POLD1: variants seen among roughly 807,000 people sequenced by gnomAD.
POLD1 encodes the protein DNA polymerase delta 1, catalytic subunit, also known as DNA polymerase delta catalytic subunit.
POLD1 carries 79 observed loss-of-function variants against 129.7 expected under a neutral mutation model. That is an observed-to-expected ratio of 0.61 (90% CI 0.51 to 0.73). The LOEUF is 0.73. Ranked by LOEUF, POLD1 falls within the 30% of genes least tolerant of loss-of-function variation. The pLI is 0.00. For synonymous variants in POLD1, 714 were observed against 683.3 expected (o/e 1.04, Z -0.70); for missense variants, 1,338 against 1,595.8 (o/e 0.84, Z 2.75).
chr19:50,417,243 C>T lies in POLD1; in HGVS notation c.3192C>T (p.Ser1064=), dbSNP rs773088677. Residue 1064 remains serine, a synonymous_variant, in exon 26 of 27, where the codon AGC becomes AGT. Coordinates refer to ENST00000440232, the MANE Select transcript of POLD1 (RefSeq NM_002691.4). ...CGCAGTGCCAGCGCTGCCAGGGCAG[C>T]CTGCACGAGGACGTCATCTGCACCA... ...LWTQCQRCQG[S]LHEDVICTSR... The T allele has an allele frequency of 6.9e-6, 11 of 1,601,258 alleles. No homozygotes were observed. The highest frequency in any genetic ancestry group is 8.5e-6 in the Non-Finnish European group (10 of 1,176,670).
At chr19:50,387,131 A>C (rs1178237320) in intron 1 of POLD1, among the ~76,000 whole-genome samples, 3 of 152,144 alleles carry the variant, frequency 2.0e-5, no homozygotes, top group Non-Finnish European at 4.4e-5. Context: ...GTTTGAGACC[A>C]GTCTGGCAGA....
intron 18 of POLD1, 94 bp downstream of exon 18, chr19:50,413,615 C>A: frequency 2.0e-6 from 3 of 1,526,744 alleles, no homozygotes; most frequent in South Asian, 2.3e-5. Flanking sequence ...GCCTCCTGGT[C>A]ACACCCTGCC....
chr19:50,415,087 AC>A, intron 20 of POLD1, 97 bp downstream of exon 20: 1 of 1,182,412 alleles, frequency 8.5e-7, no homozygotes, highest in Non-Finnish European at 1.1e-6. Flanking sequence ...CCTCCCTCAG[AC>A]CCACGGGTCC....
Position 50,413,814 on chromosome 19 carries a change from GGGCGGGA to G in POLD1, c.2327_2333del (p.Arg776ProfsTer110). ...CTCGGTGGCTGAGGCGATGGCCCTG[GGGCGGGA>G]GGCCGCGGACTGGGTGTCAGGTCAC... On this transcript the variant is annotated frameshift_variant, in exon 19 of 27. Coordinates refer to ENST00000440232, the MANE Select transcript of POLD1 (RefSeq NM_002691.4). LOFTEE classifies it high-confidence loss of function. 1 of 1,612,620 alleles carries G rather than the reference GGGCGGGA, an allele frequency of 6.2e-7. No homozygotes were observed. The highest frequency in any genetic ancestry group is 8.5e-7 in the Non-Finnish European group (1 of 1,179,628).
chr19:50,403,736 G>A, intron 10 of POLD1, 139 bp downstream of exon 10: 1 of 671,106 alleles, frequency 1.5e-6, no homozygotes, highest in East Asian at 2.6e-5. Context: ...TGCAGGGGCA[G>A]CCTAGGCCTG....
chr19:50,407,409 T>A lies in POLD1; in HGVS notation c.1769T>A (p.Leu590His). 1 of 1,602,096 alleles carries A rather than the reference T, an allele frequency of 6.2e-7. No individual in the cohort carries two copies. The highest frequency in any genetic ancestry group is 8.5e-7 in the Non-Finnish European group (1 of 1,172,666). The part of the protein sequence containing the change: ...DYTGATVIEP[L>H]KGYYDVPIAT... Reference sequence around the variant, plus strand: ...ACGGGAGCCACTGTCATCGAGCCCCTCAAAGGGTGAGGCCCCAGGCTGGGT... The same window carrying A: ...ACGGGAGCCACTGTCATCGAGCCCCACAAAGGGTGAGGCCCCAGGCTGGGT... Residue 590 changes from leucine (L) to histidine (H), a missense_variant, in exon 14 of 27, where the codon CTC becomes CAC. Transcript: ENST00000440232.
chr19:50,412,647 C>T (rs1026609005), intron 17 of POLD1, among the ~76,000 whole-genome samples: 1 of 152,134 alleles, frequency 6.6e-6, no homozygotes, highest in Non-Finnish European at 1.5e-5. Flanking sequence ...CTGACTGGAT[C>T]CACACAAACA....
chr19:50,397,090 CAAAAAAAAA>C (rs781378096), intron 1 of POLD1, among the ~76,000 whole-genome samples: 1 of 77,616 alleles, frequency 1.3e-5, no homozygotes, highest in Non-Finnish European at 2.8e-5. Context: ...GACTCCATCT[CAAAAAAAAA>C]AAAAAAAAGA....
intron 17 of POLD1, among the ~76,000 whole-genome samples, chr19:50,412,892 A>C (rs1366748978): frequency 6.6e-6 from 1 of 152,042 alleles, no homozygotes; most frequent in Non-Finnish European, 1.5e-5. Context: ...GTACAGGCAT[A>C]AGCCACCACG....
rs1203736050 is a variant in POLD1 at position 50,416,399 on chromosome 19, C to G, written c.2824C>G (p.Pro942Ala). 1 of 1,549,048 alleles carries G rather than the reference C, an allele frequency of 6.5e-7. No individual in the cohort carries two copies. The highest frequency in any genetic ancestry group is 8.7e-7 in the Non-Finnish European group (1 of 1,147,084). Residue 942 changes from proline (P) to alanine (A), a missense_variant, in exon 23 of 27, where the codon CCG (proline) becomes GCG (alanine). This residue lies in a region of POLD1 where 286 missense variants were observed against 277.5 expected (regional missense o/e 1.03). Coordinates refer to ENST00000440232, the MANE Select transcript of POLD1 (RefSeq NM_002691.4). ...TGTGACTGCCATGTGGCCGCAGGAC[C>G]CGCTGTTCGTGCTGGAGCACAGCCT... ...GVAAYMKSED[P>A]LFVLEHSLPI...
chr19:50,389,866 G>A (rs994518173), intron 1 of POLD1, among the ~76,000 whole-genome samples: 10 of 151,130 alleles, frequency 6.6e-5, no homozygotes, highest in South Asian at 4.2e-4. Flanking sequence ...GATTACAGGC[G>A]TGAGCCACCA....
chr19:50,388,134 CAG>C (rs1370696627), intron 1 of POLD1, among the ~76,000 whole-genome samples: 1 of 152,154 alleles, frequency 6.6e-6, no homozygotes. Flanking sequence ...TCCATGGAGA[CAG>C]AAAGTTAGAT....
chr19:50,402,033 G>GGAGCTGAACTTGGCT lies in POLD1; in HGVS notation c.512_513insTGAGCTGAACTTGGC (p.Glu167_Ala171dup), dbSNP rs2038659815. 2.5e-6 allele frequency: 4 copies of GGAGCTGAACTTGGCT among 1,614,150 alleles called. No individual in the cohort carries two copies. The highest frequency in any genetic ancestry group is 3.4e-6 in the Non-Finnish European group (4 of 1,179,984). Reference sequence around the variant, plus strand: ...CCGAGCACATGGGTGACCTGCAACGGGAGCTGAACTTGGCCATCAGCCGGG... The same window carrying GGAGCTGAACTTGGCT: ...CCGAGCACATGGGTGACCTGCAACGGGAGCTGAACTTGGCTGAGCTGAACTTGGCCATCAGCCGGG... On this transcript the variant is annotated inframe_insertion, in exon 5 of 27. Coordinates refer to ENST00000440232, the MANE Select transcript of POLD1 (RefSeq NM_002691.4).
chr19:50,396,040 TTTTG>T (rs146467585), intron 1 of POLD1, among the ~76,000 whole-genome samples: 23,175 of 148,336 alleles, frequency 0.16, 2,784 homozygotes, highest in African/African-American at 0.33. Flanking sequence ...GTGGTTGTTT[TTTTG>T]TTTGTTTGTT....
chr19:50,408,482 G>A (rs1244513734), intron 14 of POLD1, among the ~76,000 whole-genome samples: 2 of 152,116 alleles, frequency 1.3e-5, no homozygotes, highest in African/African-American at 4.8e-5. Context: ...CTAGGCTCAA[G>A]CAATCCTCCT....
chr19:50,408,950 C>G (rs2122372823), intron 15 of POLD1, 49 bp downstream of exon 15: 1 of 1,544,404 alleles, frequency 6.5e-7, no homozygotes, highest in South Asian at 1.2e-5. Flanking sequence ...TCTGGGCCTT[C>G]CCTTGGGGGG....
At chr19:50,389,911 GT>G (rs565529491) in intron 1 of POLD1, among the ~76,000 whole-genome samples, 114 of 136,938 alleles carry the variant, frequency 8.3e-4, no homozygotes, top group Admixed American at 5.0e-3. Flanking sequence ...TTTTTGTTTT[GT>G]TTTTTTTTTC....
intron 14 of POLD1, 105 bp from the exon 15 acceptor site, chr19:50,408,680 C>G: frequency 6.6e-7 from 1 of 1,516,578 alleles, no homozygotes; most frequent in South Asian, 1.3e-5. Flanking sequence ...CTGCTCCCAG[C>G]CAATGAATGA....
chr19:50,396,912 A>G (rs2038388710), intron 1 of POLD1, among the ~76,000 whole-genome samples: 1 of 150,430 alleles, frequency 6.6e-6, no homozygotes, highest in Admixed American at 6.7e-5. Flanking sequence ...GATGGCCAAC[A>G]TGGCGAAACC....
Sources: allele counts gnomAD v4.1 joint callset (sites outside exome capture counted in the v4.1 genomes callset), GRCh38; gene constraint gnomAD v4.1.1; regional missense constraint gnomAD v4.1.1; transcripts MANE v1.5; gene names NCBI Gene and HGNC (gene_info 2026-07-23, HGNC 2026-07-21).